The following DLGAP2 variants were observed in gnomAD, a reference collection of about 807,000 sequenced individuals.
DLGAP2 encodes disks large-associated protein 2.
DLGAP2 carries 26 observed loss-of-function variants against 100.3 expected under a neutral mutation model. That is an observed-to-expected ratio of 0.26 (90% confidence interval 0.19 to 0.36). The LOEUF is 0.36. DLGAP2 is among the 10% of genes least tolerant of loss of function. The probability of loss-of-function intolerance (pLI) is 1.00; values close to 1 mark genes in which losing one functional copy is unlikely to be tolerated. For synonymous variants in DLGAP2, 886 were observed against 630.1 expected (o/e 1.41, Z -6.08); for missense variants, 1,858 against 1,453.2 (o/e 1.28, Z -4.53).
chr8:1,651,994 C>T (rs1229126906), intron 8 of DLGAP2, among the ~76,000 whole-genome samples: 2 of 152,172 alleles, frequency 1.3e-5, no homozygotes, highest in Non-Finnish European at 2.9e-5. Context: ...CTACACAGCT[C>T]GTTTCTGCAA....
At chr8:1,593,072 G>C (rs1051328888) in intron 6 of DLGAP2, among the ~76,000 whole-genome samples, 2 of 152,136 alleles carry the variant, frequency 1.3e-5, no homozygotes, top group Non-Finnish European at 2.9e-5. Flanking sequence ...ATTTCAACAA[G>C]ATAATGGAGT....
At chr8:959,079 G>C (rs566711649) in intron 2 of DLGAP2, among the ~76,000 whole-genome samples, 102 of 152,332 alleles carry the variant, frequency 6.7e-4, no homozygotes, top group African/African-American at 2.4e-3. Flanking sequence ...TGGCTATGTA[G>C]AGGGTGCTTG....
chr8:1,353,368 C>T (rs1028422391), intron 3 of DLGAP2, among the ~76,000 whole-genome samples: 22 of 152,170 alleles, frequency 1.4e-4, no homozygotes, highest in Non-Finnish European at 2.8e-4. Flanking sequence ...AACTGTACTT[C>T]GAGTTCCGCA....
intron 3 of DLGAP2, among the ~76,000 whole-genome samples, chr8:1,310,058 C>CAAAAAAAAAAAAAAAAAAAA (rs3052029): frequency 9.5e-6 from 1 of 105,692 alleles, no homozygotes; most frequent in Non-Finnish European, 2.0e-5. Flanking sequence ...GTCTCCATCT[C>CAAAAAAAAAAAAAAAAAAAA]AAAAAAAAAA....
chr8:1,238,370 G>GAGCATCGTGTCCAGTTCTCTCACA (rs1563272479), intron 2 of DLGAP2, among the ~76,000 whole-genome samples: 1 of 8,872 alleles, frequency 1.1e-4, no homozygotes. Context: ...GTTCTCTCAC[G>GAGCATCGTGTCCAGTTCTCTCACA]TGGCGCCGTG....
intron 14 of DLGAP2, among the ~76,000 whole-genome samples, chr8:1,700,906 T>G (rs550314975): frequency 7.9e-5 from 12 of 152,198 alleles, no homozygotes; most frequent in Non-Finnish European, 1.6e-4. Context: ...AGACGCAAGG[T>G]GCGAATCTGC....
intron 3 of DLGAP2, among the ~76,000 whole-genome samples, chr8:1,449,138 C>T (rs1324223183): frequency 6.6e-6 from 1 of 152,206 alleles, no homozygotes; most frequent in Non-Finnish European, 1.5e-5. Flanking sequence ...TCTTTCCTCT[C>T]ATCTTCCCCT....
At chr8:834,401 T>C (rs1796836116) in intron 1 of DLGAP2, among the ~76,000 whole-genome samples, 1 of 152,192 alleles carries the variant, frequency 6.6e-6, no homozygotes. Flanking sequence ...CATAATAGGC[T>C]CTGAGCAAAT....
At chr8:1,594,874 CT>C (rs1352676549) in intron 6 of DLGAP2, among the ~76,000 whole-genome samples, 1 of 152,192 alleles carries the variant, frequency 6.6e-6, no homozygotes, top group Non-Finnish European at 1.5e-5. Flanking sequence ...GCCATGCCCC[CT>C]GGGCACAGCC....
chr8:822,871 G>A (rs1260349112), intron 1 of DLGAP2, among the ~76,000 whole-genome samples: 1 of 152,196 alleles, frequency 6.6e-6, no homozygotes, highest in African/African-American at 2.4e-5. Context: ...ACCTCCTGCA[G>A]TCCCCAGACC....
intron 3 of DLGAP2, among the ~76,000 whole-genome samples, chr8:1,389,430 G>C (rs189813462): frequency 2.0e-3 from 308 of 152,248 alleles, no homozygotes; most frequent in African/African-American, 7.2e-3. Flanking sequence ...TAACACGGGA[G>C]TTGACAAGGG....
At chr8:1,072,555 A>G (rs1225639946) in intron 2 of DLGAP2, among the ~76,000 whole-genome samples, 1 of 152,178 alleles carries the variant, frequency 6.6e-6, no homozygotes, top group Non-Finnish European at 1.5e-5. Context: ...GGCACCTGGC[A>G]GGGAGGTGCG....
chr8:1,460,152 T>C (rs910116317), intron 3 of DLGAP2, among the ~76,000 whole-genome samples: 1 of 152,212 alleles, frequency 6.6e-6, no homozygotes, highest in Non-Finnish European at 1.5e-5. Flanking sequence ...GTCCACACCA[T>C]GCTTCCTTTG....
At chr8:1,559,849 A>G (rs150621529) in intron 5 of DLGAP2, among the ~76,000 whole-genome samples, 76 of 152,242 alleles carry the variant, frequency 5.0e-4, no homozygotes, top group African/African-American at 1.7e-3. Flanking sequence ...CTTCTGCCCC[A>G]TCGCCTCTGC....
intron 2 of DLGAP2, among the ~76,000 whole-genome samples, chr8:1,232,091 A>T (rs1441399320): frequency 2.0e-5 from 3 of 152,232 alleles, no homozygotes; most frequent in African/African-American, 7.2e-5. Flanking sequence ...TTTAACTTTA[A>T]TTTGAAGAAG....
At chr8:824,077 C>T (rs552553656) in intron 1 of DLGAP2, among the ~76,000 whole-genome samples, 28 of 151,108 alleles carry the variant, frequency 1.9e-4, no homozygotes, top group Non-Finnish European at 4.4e-5. Flanking sequence ...CTTCCTTTTT[C>T]CTTCTTCTTT....
At chr8:1,136,275 A>T (rs1047455648) in intron 2 of DLGAP2, among the ~76,000 whole-genome samples, 2 of 151,220 alleles carry the variant, frequency 1.3e-5, no homozygotes, top group African/African-American at 2.4e-5. Flanking sequence ...CCTCTCATTT[A>T]CCAGCGAATA....
At chr8:905,017 T>G (rs1440939427) in intron 1 of DLGAP2, among the ~76,000 whole-genome samples, 1 of 152,206 alleles carries the variant, frequency 6.6e-6, no homozygotes, top group Non-Finnish European at 1.5e-5. Context: ...CTGGATTTAA[T>G]GCACTATCCT....
intron 7 of DLGAP2, among the ~76,000 whole-genome samples, chr8:1,628,862 G>A (rs976615703): frequency 6.6e-6 from 1 of 152,232 alleles, no homozygotes; most frequent in African/African-American, 2.4e-5. Flanking sequence ...GGGCTTCTGG[G>A]CCAAGGCCTG....
Sources: gnomAD v4.1 joint callset for allele counts (sites outside exome capture counted in the v4.1 genomes callset) on GRCh38, gnomAD v4.1.1 for gene constraint, MANE v1.5 for transcripts, NCBI Gene and HGNC (gene_info 2026-07-23, HGNC 2026-07-21) for gene names.